FBXO34: variants seen among roughly 807,000 people sequenced by gnomAD.
FBXO34 encodes F-box protein 34, also known as F-box only protein 34.
In FBXO34, 12 loss-of-function variants were observed where a neutral mutation model predicts 24.5. The observed-to-expected ratio is 0.49, with a 90% CI of 0.31 to 0.79. The LOEUF is 0.79. Ranked by LOEUF, FBXO34 falls within the 30% of genes least tolerant of loss-of-function variation. The probability of loss-of-function intolerance (pLI) is 0.04; values close to 1 mark genes in which losing one functional copy is unlikely to be tolerated. For missense variants in FBXO34, 823 were observed against 857.7 expected (o/e 0.96, Z 0.51); for synonymous variants, 320 against 311.9 (o/e 1.03, Z -0.27).
chr14:55,308,370 A>C lies in FBXO34; in HGVS notation c.-11+36833A>C, dbSNP rs145180344. ...TAAACCAGTATTTGATGATACTTAAAGTACACTAAGGAAAAAGAATAACTT... is the reference window on the plus strand; with the variant it reads ...TAAACCAGTATTTGATGATACTTAACGTACACTAAGGAAAAAGAATAACTT... On this transcript the variant is annotated intron_variant, in intron 1 of 1. Coordinates refer to ENST00000313833, the MANE Select transcript of FBXO34 (RefSeq NM_017943.4). Among the ~76,000 whole-genome samples, 1,286 of 152,364 alleles carry C rather than the reference A, an allele frequency of 8.4e-3. 14 individuals are homozygous for C. The highest frequency in any genetic ancestry group is 0.02 in the Middle Eastern group (6 of 294).
At chr14:55,289,239 ATTAGT>A (rs1263509221) in intron 1 of FBXO34, among the ~76,000 whole-genome samples, 4 of 151,750 alleles carry the variant, frequency 2.6e-5, no homozygotes, top group African/African-American at 9.7e-5. Flanking sequence ...TTCTTAGGTA[ATTAGT>A]TTAGTGTGGA....
At chr14:55,318,763 A>G (rs1398863829) in intron 1 of FBXO34, among the ~76,000 whole-genome samples, 1 of 152,114 alleles carries the variant, frequency 6.6e-6, no homozygotes, top group Non-Finnish European at 1.5e-5. Flanking sequence ...AATTGGAACA[A>G]TTAGTATTCC....
rs78195117 is a variant in FBXO34, at chr14:55,304,509, T to C, written c.-11+32972T>C. ...AGCCAGCCAGTCCCTCACCCTGCTT[T>C]TCCATTTTTGAGACAAGGTCTTGCT... On this transcript the variant is annotated intron_variant, in intron 1 of 1. Coordinates refer to ENST00000313833, the MANE Select transcript of FBXO34 (RefSeq NM_017943.4). 5.9e-3 allele frequency among the ~76,000 whole-genome samples: 898 copies of C among 151,964 alleles called. 4 individuals are homozygous for C. The highest frequency in any genetic ancestry group is 0.021 in the African/African-American group (852 of 41,440).
rs1346735979 is a variant in FBXO34 at position 55,309,674 on chromosome 14, TTG to T, written c.-11+38143_-11+38144del. ...CATTAGTGCATTCACTGCTGAGTTT[TTG>T]TGTGTCTGTTTTTTATTTTTTTGCT... On this transcript the variant is annotated intron_variant, in intron 1 of 1. Coordinates refer to ENST00000313833, the MANE Select transcript of FBXO34 (RefSeq NM_017943.4). Among the ~76,000 whole-genome samples the T allele has an allele frequency of 4.6e-5, 7 of 152,244 alleles. No homozygotes were observed. In the East Asian group the frequency reaches 7.7e-4, roughly 17 times the overall value.
downstream of FBXO34, chr14:55,369,932 G>GCAGA (rs778262948): frequency 2.0e-5 from 32 of 1,589,026 alleles, no homozygotes; most frequent in African/African-American, 3.7e-4. Context: ...TGACCTGTGT[G>GCAGA]CAGACAATGA....
At chr14:55,280,138 A>G (rs1358516108) in intron 1 of FBXO34, among the ~76,000 whole-genome samples, 1 of 152,226 alleles carries the variant, frequency 6.6e-6, no homozygotes, top group Non-Finnish European at 1.5e-5. Context: ...TGTAAAATAT[A>G]TTAGTACATG....
At chr14:55,310,900 A>G (rs1211328018) in intron 1 of FBXO34, among the ~76,000 whole-genome samples, 1 of 152,096 alleles carries the variant, frequency 6.6e-6, no homozygotes, top group Non-Finnish European at 1.5e-5. Context: ...AACTCTGACC[A>G]CACTAACTTT....
At chr14:55,310,853 AGATGT>A (rs1882712653) in intron 1 of FBXO34, among the ~76,000 whole-genome samples, 1 of 152,188 alleles carries the variant, frequency 6.6e-6, no homozygotes, top group Non-Finnish European at 1.5e-5. Flanking sequence ...GGTAAATACA[AGATGT>A]GATAGCGTTT....
chr14:55,351,133 T>C lies in FBXO34; in HGVS notation c.743T>C (p.Val248Ala). 4 of 1,614,174 alleles carry C rather than the reference T, an allele frequency of 2.5e-6. No homozygotes were observed. The highest frequency in any genetic ancestry group is 3.4e-6 in the Non-Finnish European group (4 of 1,180,020). ...GGCCAATCCAGAGGTGTGCCTGCAG[T>C]GTCTGAGTCCTATTCTGCCCCAGGA... The part of the protein sequence containing the change: ...FSGQSRGVPA[V>A]SESYSAPGAC... The change falls in exon 2 of 2, where the codon GTG becomes GCG. Residue 248 changes from valine (V) to alanine (A), a missense_variant. Val to Ala is a moderately conservative substitution (Grantham distance 64). Transcript: ENST00000313833.
chr14:55,414,303 G>A, the FBXO34 span: 1 of 1,118,206 alleles, frequency 8.9e-7, no homozygotes, highest in East Asian at 2.4e-5. Flanking sequence ...ATTAAACGTA[G>A]AAGAATCCAG....
chr14:55,411,391 T>C, the FBXO34 span, among the ~76,000 whole-genome samples: 1 of 152,048 alleles, frequency 6.6e-6, no homozygotes, highest in African/African-American at 2.4e-5. Context: ...CTTGGGTGGG[T>C]GATGGGGAAA....
the FBXO34 span, among the ~76,000 whole-genome samples, chr14:55,406,440 G>A: frequency 1.3e-5 from 2 of 152,248 alleles, no homozygotes; most frequent in Admixed American, 6.5e-5. Flanking sequence ...AGAGTCTAAA[G>A]GCAATCACAG....
intron 1 of FBXO34, among the ~76,000 whole-genome samples, chr14:55,309,055 T>C (rs887263067): frequency 1.3e-5 from 2 of 152,140 alleles, no homozygotes; most frequent in Non-Finnish European, 2.9e-5. Context: ...TTATTTAATA[T>C]GTTAAAAAGA....
At chr14:55,315,346 A>G (rs1349294604) in intron 1 of FBXO34, among the ~76,000 whole-genome samples, 1 of 152,190 alleles carries the variant, frequency 6.6e-6, no homozygotes, top group Non-Finnish European at 1.5e-5. Flanking sequence ...ATTCCTGAAG[A>G]TGTGTTCCCA....
chr14:55,377,517 G>A, the FBXO34 span, among the ~76,000 whole-genome samples: 2 of 152,228 alleles, frequency 1.3e-5, 1 homozygote, highest in African/African-American at 4.8e-5. Flanking sequence ...CAGATCCAAA[G>A]ACATGGCCTT....
downstream of FBXO34, among the ~76,000 whole-genome samples, chr14:55,358,437 C>A (rs1884550900): frequency 6.6e-6 from 1 of 152,208 alleles, no homozygotes; most frequent in Non-Finnish European, 1.5e-5. Flanking sequence ...TGCAGCACAT[C>A]CCCTCCAGCA....
At chr14:55,315,614 G>T (rs1334133350) in intron 1 of FBXO34, among the ~76,000 whole-genome samples, 1 of 152,162 alleles carries the variant, frequency 6.6e-6, no homozygotes, top group Admixed American at 6.5e-5. Flanking sequence ...TTAATCGATT[G>T]TATGGTTGGG....
the FBXO34 span, among the ~76,000 whole-genome samples, chr14:55,388,725 T>C: frequency 1.3e-5 from 2 of 152,164 alleles, no homozygotes; most frequent in Non-Finnish European, 2.9e-5. Flanking sequence ...CCGAGCATAG[T>C]TTCTGGCCTC....
At chr14:55,322,532 C>T (rs929121765) in intron 1 of FBXO34, among the ~76,000 whole-genome samples, 28 of 152,140 alleles carry the variant, frequency 1.8e-4, no homozygotes, top group African/African-American at 6.5e-4. Context: ...GACGGGGTCT[C>T]GCTCTGTTCC....
Sources: allele counts gnomAD v4.1 joint callset (sites outside exome capture counted in the v4.1 genomes callset), GRCh38; gene constraint gnomAD v4.1.1; transcripts MANE v1.5; gene names NCBI Gene and HGNC (gene_info 2026-07-23, HGNC 2026-07-21).